ITGA5: variants seen among roughly 807,000 people sequenced by gnomAD.
ITGA5 encodes integrin alpha-5.
Under a neutral mutation model 146.3 loss-of-function variants are expected in ITGA5, and 55 were observed. That is an observed-to-expected ratio of 0.38 (90% confidence interval 0.30 to 0.47). ITGA5 has a LOEUF of 0.47. Among genes scored for constraint, ITGA5 ranks in the 20% least tolerant of loss-of-function variants. The pLI is 0.99. For missense variants in ITGA5, 1,131 were observed against 1,329.0 expected, an observed-to-expected ratio of 0.85 and a Z score of 2.32; for synonymous variants, 500 against 531.8, an observed-to-expected ratio of 0.94 and a Z score of 0.82.
chr12:54,400,177 G>A (rs1955769917), intron 25 of ITGA5: 2 of 534,372 alleles, frequency 3.7e-6, no homozygotes, highest in Non-Finnish European at 6.7e-6. Flanking sequence ...AAATAATTAG[G>A]TCTGTGTTCC....
rs556164351 is a variant in ITGA5 at position 54,416,008 on chromosome 12, T to C, written c.218+2973A>G. On this transcript the variant is annotated intron_variant, in intron 1 of 29. Transcript: ENST00000293379. This position sits in a 1 kb window ranked among gnomAD's most constrained non-coding sequence, Gnocchi z 4.1. ...TCCCTTGAATGTTTCCTAAACTAAC[T>C]TCTGGTTCAAAATTTCTATGACTCC... Among the ~76,000 whole-genome samples, 1 of 152,224 alleles carries C rather than the reference T, an allele frequency of 6.6e-6. No homozygotes were observed. Among genetic ancestry groups the C allele is most frequent in the Non-Finnish European group, 1.5e-5 (1 of 68,036 alleles).
rs1955705823 is a variant in ITGA5 at position 54,396,133 on chromosome 12, A to G, written c.*160T>C. Reference sequence around the variant, plus strand: ...GGGGGGGAGGGATCCCCAGCTCCTCACCCCCCTGGCTCTGGCCCTTCAAGT... The same window carrying G: ...GGGGGGGAGGGATCCCCAGCTCCTCGCCCCCCTGGCTCTGGCCCTTCAAGT... On this transcript the variant is annotated 3_prime_UTR_variant, in exon 30 of 30. Coordinates refer to ENST00000293379, the MANE Select transcript of ITGA5 (RefSeq NM_002205.5). The G allele has an allele frequency of 1.6e-6, 1 of 606,838 alleles. No homozygotes were observed. Among genetic ancestry groups the G allele is most frequent in the South Asian group, 2.0e-5 (1 of 50,976 alleles). 37.6% of individuals were successfully genotyped at this position (606,838 alleles called of 1,614,324 possible).
At chr12:54,397,251 A>T (rs1273026953) in intron 29 of ITGA5, 114 bp downstream of exon 29, 33 of 1,140,582 alleles carry the variant, frequency 2.9e-5, no homozygotes, top group Non-Finnish European at 4.0e-5. Context: ...GCCAGGACAG[A>T]GGTGGGGGCA....
intron 27 of ITGA5, 138 bp from the exon 28 acceptor site, chr12:54,398,836 T>A: frequency 2.8e-5 from 3 of 105,298 alleles, no homozygotes; most frequent in South Asian, 3.0e-4. Flanking sequence ...TCTCTCTCTC[T>A]TTTTTTTTTT....
chr12:54,402,300 C>G lies in ITGA5; in HGVS notation c.2013G>C (p.Lys671Asn). The part of the protein sequence containing the change: ...GEQNHVYLGD[K>N]NALNLTFHAQ... ...CATGGAAAGTGAGGTTCAGGGCATT[C>G]TTGTCACCCAGGTACACATGGTTCT... Residue 671 changes from lysine to asparagine, a missense_variant, in exon 20 of 30, where the codon AAG (lysine) becomes AAC (asparagine). Transcript: ENST00000293379. The G allele has an allele frequency of 6.2e-7, 1 of 1,614,078 alleles. No homozygotes were observed. The highest frequency in any genetic ancestry group is 8.5e-7 in the Non-Finnish European group (1 of 1,179,976).
In ITGA5 at chr12:54,409,404, C is replaced by T. The variant is rs745836377; in HGVS notation, c.463-52G>A. On this transcript the variant is annotated intron_variant, in intron 3 of 29. Transcript: ENST00000293379. This position sits in a 1 kb window ranked among gnomAD's most constrained non-coding sequence, Gnocchi z 4.7. ...TCAGATTCAGTCCAATAAGGCCCTTCCTCCCTCCCTCCAGGCCCGGCCTTA... is the reference window on the plus strand; with the variant it reads ...TCAGATTCAGTCCAATAAGGCCCTTTCTCCCTCCCTCCAGGCCCGGCCTTA... The T allele has an allele frequency of 6.2e-7, 1 of 1,605,982 alleles. No individual in the cohort carries two copies. Among genetic ancestry groups the T allele is most frequent in the Non-Finnish European group, 8.5e-7 (1 of 1,176,048 alleles).
chr12:54,404,429 C>G lies in ITGA5; in HGVS notation c.1463+1G>C. On this transcript the variant is annotated splice_donor_variant, in intron 14 of 29. Transcript: ENST00000293379. LOFTEE classifies it high-confidence loss of function. Reference sequence around the variant, plus strand: ...CCCTCATCTCCCTTTGGAGCTCATACCTGTATACCACAGCCTTGTCCACAC... The same window carrying G: ...CCCTCATCTCCCTTTGGAGCTCATAGCTGTATACCACAGCCTTGTCCACAC... The G allele has an allele frequency of 6.2e-7, 1 of 1,614,022 alleles. No homozygotes were observed. Among genetic ancestry groups the G allele is most frequent in the Non-Finnish European group, 8.5e-7 (1 of 1,179,868 alleles).
chr12:54,403,731 ACCCCTC>A lies in ITGA5; in HGVS notation c.1664_1669del (p.Gly555_Gly556del). The A allele has an allele frequency of 6.2e-7, 1 of 1,614,050 alleles. No individual in the cohort carries two copies. Among genetic ancestry groups the A allele is most frequent in the Non-Finnish European group, 8.5e-7 (1 of 1,180,008 alleles). ...GGAGGCCAGGAACAGTGCCCGCCGT[ACCCCTC>A]CCTTCTGCTTCTGCCAGTCCAGCTG... is the stretch of plus-strand genomic sequence containing the variant. On this transcript the variant is annotated inframe_deletion, in exon 17 of 30. Coordinates refer to ENST00000293379, the MANE Select transcript of ITGA5 (RefSeq NM_002205.5). The surrounding 1 kb of genome is among the most constrained non-coding windows in gnomAD (Gnocchi z 4.9).
intron 9 of ITGA5, among the ~76,000 whole-genome samples, chr12:54,406,617 T>C (rs975580412): frequency 8.5e-5 from 13 of 152,146 alleles, no homozygotes; most frequent in Non-Finnish European, 1.9e-4. Context: ...CCCTAACCTA[T>C]CTGTTTTTGC....
chr12:54,415,995 T>C lies in ITGA5; in HGVS notation c.218+2986A>G, dbSNP rs1165080861. On this transcript the variant is annotated intron_variant, in intron 1 of 29. Transcript: ENST00000293379. The stretch of plus-strand genomic sequence containing the variant: ...AAAATGATGGATTTCCCTTGAATGT[T>C]TCCTAAACTAACTTCTGGTTCAAAA... 2.6e-5 allele frequency among the ~76,000 whole-genome samples: 4 copies of C among 152,316 alleles called. No homozygotes were observed. The East Asian group carries it at 7.7e-4, about 29-fold the overall frequency.
Position 54,402,348 on chromosome 12 carries a change from G to T in ITGA5, c.1983-18C>A. 6.3e-7 allele frequency: 1 copy of T among 1,596,486 alleles called. No individual in the cohort carries two copies. The highest frequency in any genetic ancestry group is 8.6e-7 in the Non-Finnish European group (1 of 1,169,532). On this transcript the variant is annotated intron_variant, in intron 19 of 29. Coordinates refer to ENST00000293379, the MANE Select transcript of ITGA5 (RefSeq NM_002205.5). ...TCTGCTCCCTGGAAGGGACACAGAG[G>T]GTAAGGGACATTGGTGAATTAATCC...
chr12:54,399,635 G>C lies in ITGA5; in HGVS notation c.2841+10C>G, dbSNP rs752692825. 39 of 1,600,108 alleles carry C rather than the reference G, an allele frequency of 2.4e-5. No individual in the cohort carries two copies. The highest frequency in any genetic ancestry group is 2.8e-5 in the Non-Finnish European group (33 of 1,167,182). On this transcript the variant is annotated intron_variant, in intron 27 of 29. Transcript: ENST00000293379. ...GGTCAGGGGTCAGGGCTGAGGTAAG[G>C]CTCCCTCACCTGCAAGAAAGTCTTG... is the stretch of plus-strand genomic sequence containing the variant.
chr12:54,402,615 G>A (rs1338929519), intron 19 of ITGA5, among the ~76,000 whole-genome samples: 8 of 151,768 alleles, frequency 5.3e-5, no homozygotes, highest in Admixed American at 4.6e-4. Flanking sequence ...GCAGAGAATC[G>A]CTTGAACCTG....
intron 25 of ITGA5, chr12:54,400,205 T>C (rs982880295): frequency 1.7e-5 from 8 of 480,646 alleles, no homozygotes; most frequent in Non-Finnish European, 3.0e-5. Context: ...GCACTGGATG[T>C]TCCCTTGGTT....
intron 27 of ITGA5, 64 bp downstream of exon 27, chr12:54,399,581 A>G (rs1354672214): frequency 1.8e-6 from 2 of 1,139,272 alleles, no homozygotes; most frequent in Non-Finnish European, 2.7e-6. Flanking sequence ...CAGTGGAGAA[A>G]GGGGTGGGTC....
chr12:54,402,130 C>A (rs767311058), intron 20 of ITGA5, 37 bp from the exon 21 acceptor site: 1 of 1,613,896 alleles, frequency 6.2e-7, no homozygotes, highest in South Asian at 1.1e-5. Flanking sequence ...GTTTTGGTGT[C>A]CCCTCTAGAG....
intron 28 of ITGA5, 132 bp from the exon 29 acceptor site, chr12:54,397,619 T>A: frequency 9.3e-7 from 1 of 1,071,830 alleles, no homozygotes; most frequent in Non-Finnish European, 1.3e-6. Context: ...AGGGCCTGTG[T>A]CTGGCCAGGC....
At position 54,409,341 on chromosome 12, in the gene ITGA5, T is replaced by G; in HGVS notation, c.474A>C (p.Pro158=). The change falls in exon 4 of 30, where the codon CCA becomes CCC. Residue 158 remains proline, a synonymous_variant. Coordinates refer to ENST00000293379, the MANE Select transcript of ITGA5 (RefSeq NM_002205.5). This position sits in a 1 kb window ranked among gnomAD's most constrained non-coding sequence, Gnocchi z 4.7. ...CCTTCTCTGTGCGCCAGCTGTACAG[T>G]GGAGCGCATGCCTGGGAGGGCCCAG... ...AHGSSILACA[P]LYSWRTEKEP... is the part of the protein sequence containing the mutation. 6.2e-7 allele frequency: 1 copy of G among 1,612,874 alleles called. No homozygotes were observed. Among genetic ancestry groups the G allele is most frequent in the Non-Finnish European group, 8.5e-7 (1 of 1,179,592 alleles).
At chr12:54,411,989 T>C (rs750184861) in intron 1 of ITGA5, 25 bp from the exon 2 acceptor site, 10 of 1,549,582 alleles carry the variant, frequency 6.5e-6, no homozygotes, top group South Asian at 3.7e-5. Context: ...AGCGAGGCAG[T>C]TGAGGATGGC....
Sources: gnomAD v4.1 joint callset for allele counts (sites outside exome capture counted in the v4.1 genomes callset) on GRCh38, gnomAD v4.1.1 for gene constraint, Gnocchi (gnomAD v3.1) non-coding constraint, MANE v1.5 for transcripts, NCBI Gene and HGNC (gene_info 2026-07-23, HGNC 2026-07-21) for gene names.